The following CRACD variants were observed in gnomAD, a reference collection of about 807,000 sequenced individuals.
The protein encoded by CRACD is capping protein inhibiting regulator of actin dynamics.
A neutral mutation model predicts 106.8 loss-of-function variants in CRACD; 56 were observed. The ratio of observed to expected loss-of-function variants is 0.52; its 90% CI spans 0.42 to 0.66. The LOEUF is 0.66. Among genes scored for constraint, CRACD ranks in the 30% least tolerant of loss-of-function variants. CRACD has a pLI of 0.00. For synonymous variants in CRACD, 754 were observed against 670.8 expected (o/e 1.12, Z -1.92); for missense variants, 1,730 against 1,623.2 (o/e 1.07, Z -1.13).
At chr4:56,112,769 G>C (rs140027067) in intron 1 of CRACD, among the ~76,000 whole-genome samples, 1 of 152,116 alleles carries the variant, frequency 6.6e-6, no homozygotes, top group Admixed American at 6.5e-5. Context: ...CAGCTTGCCC[G>C]TTTAGTTTTC....
chr4:56,084,931 A>G (rs757045957), intron 1 of CRACD, among the ~76,000 whole-genome samples: 1 of 152,202 alleles, frequency 6.6e-6, no homozygotes, highest in Non-Finnish European at 1.5e-5. Context: ...TTTAAGTATT[A>G]AAATAGAGGC....
chr4:56,079,350 A>G (rs1167505514), intron 1 of CRACD, among the ~76,000 whole-genome samples: 4 of 151,892 alleles, frequency 2.6e-5, no homozygotes, highest in Non-Finnish European at 5.9e-5. Flanking sequence ...TCATGTTTGA[A>G]TCATCATTCT....
At chr4:56,272,959 G>A (rs1742446179) in intron 3 of CRACD, among the ~76,000 whole-genome samples, 1 of 151,502 alleles carries the variant, frequency 6.6e-6, no homozygotes, top group African/African-American at 2.4e-5. Flanking sequence ...AAGACTTGGT[G>A]TATTCTGCAT....
intron 2 of CRACD, among the ~76,000 whole-genome samples, chr4:56,210,804 T>C (rs1483182666): frequency 6.6e-6 from 1 of 152,218 alleles, no homozygotes; most frequent in African/African-American, 2.4e-5. Context: ...GTGGTCTCTT[T>C]AACTTAGCTG....
intron 1 of CRACD, among the ~76,000 whole-genome samples, chr4:56,070,512 C>T (rs1345872621): frequency 6.6e-6 from 1 of 152,122 alleles, no homozygotes; most frequent in African/African-American, 2.4e-5. Context: ...TAGTCTCAAT[C>T]TCCTGACCTC....
chr4:56,307,752 T>C (rs560532574), intron 5 of CRACD, 53 bp downstream of exon 5: 1 of 1,582,662 alleles, frequency 6.3e-7, no homozygotes, highest in East Asian at 2.2e-5. Flanking sequence ...GGCAGGACAT[T>C]GGGCCTCCAG....
At chr4:56,195,846 A>C (rs1214031814) in intron 2 of CRACD, among the ~76,000 whole-genome samples, 1 of 152,234 alleles carries the variant, frequency 6.6e-6, no homozygotes, top group African/African-American at 2.4e-5. Context: ...CTGTAATAAC[A>C]CAATACAAAT....
At chr4:56,181,103 G>A (rs1171252673) in intron 2 of CRACD, among the ~76,000 whole-genome samples, 1 of 152,176 alleles carries the variant, frequency 6.6e-6, no homozygotes, top group Non-Finnish European at 1.5e-5. Context: ...GGATGGAGAT[G>A]ATAAATAATG....
chr4:56,132,591 G>A (rs1198551175), intron 1 of CRACD, among the ~76,000 whole-genome samples: 1 of 152,026 alleles, frequency 6.6e-6, no homozygotes, highest in Non-Finnish European at 1.5e-5. Flanking sequence ...TGCCTGCCTT[G>A]ACCTCCCAGA....
At chr4:56,204,503 A>G (rs1380616730) in intron 2 of CRACD, among the ~76,000 whole-genome samples, 1 of 152,046 alleles carries the variant, frequency 6.6e-6, no homozygotes, top group East Asian at 1.9e-4. Context: ...TTGATCAGGA[A>G]CTCTCTTGAT....
intron 1 of CRACD, among the ~76,000 whole-genome samples, chr4:56,106,504 G>T (rs1414519332): frequency 6.6e-6 from 1 of 152,214 alleles, no homozygotes; most frequent in African/African-American, 2.4e-5. Context: ...TATGTGGAAA[G>T]TTCCAAGGCT....
intron 1 of CRACD, among the ~76,000 whole-genome samples, chr4:56,060,311 GA>G (rs1464959433): frequency 6.7e-6 from 1 of 150,134 alleles, no homozygotes; most frequent in Non-Finnish European, 1.5e-5. Flanking sequence ...TAGTATAGAA[GA>G]AAGACAGGGC....
intron 1 of CRACD, among the ~76,000 whole-genome samples, chr4:56,154,041 G>A (rs903216420): frequency 3.3e-5 from 5 of 152,210 alleles, no homozygotes; most frequent in Admixed American, 6.5e-5. Context: ...GGACTAGCTT[G>A]TGCCAGAGTG....
intron 1 of CRACD, among the ~76,000 whole-genome samples, chr4:56,078,798 C>A (rs1459040968): frequency 6.6e-6 from 1 of 152,122 alleles, no homozygotes. Context: ...TCAGGATATG[C>A]CTGGTGGGGG....
intron 2 of CRACD, among the ~76,000 whole-genome samples, chr4:56,239,301 A>G (rs1221625255): frequency 1.3e-5 from 2 of 151,608 alleles, no homozygotes; most frequent in Admixed American, 1.3e-4. Flanking sequence ...AATAATAAAT[A>G]TTATTATTTA....
At chr4:56,327,571 C>CAAATACAGTT in intron 10 of CRACD, 73 bp from the exon 11 acceptor site, 1 of 1,324,550 alleles carries the variant, frequency 7.5e-7, no homozygotes, top group Non-Finnish European at 1.1e-6. Context: ...AGTTTATCAT[C>CAAATACAGTT]TGTTAATTAA....
At chr4:56,130,263 C>CA (rs556950285) in intron 1 of CRACD, among the ~76,000 whole-genome samples, 3 of 151,328 alleles carry the variant, frequency 2.0e-5, no homozygotes, top group African/African-American at 7.3e-5. Context: ...AACCCTGTCT[C>CA]AAAAAAAACC....
At chr4:56,300,574 T>G (rs1744313315) in intron 4 of CRACD, among the ~76,000 whole-genome samples, 1 of 152,238 alleles carries the variant, frequency 6.6e-6, no homozygotes, top group Non-Finnish European at 1.5e-5. Flanking sequence ...TTTTGATTCT[T>G]GCAATATTAT....
At chr4:56,238,329 T>C (rs1213149738) in intron 2 of CRACD, among the ~76,000 whole-genome samples, 1 of 152,252 alleles carries the variant, frequency 6.6e-6, no homozygotes, top group Admixed American at 6.5e-5. Flanking sequence ...GGCATCTTTC[T>C]CTATATGTGG....
Sources: gnomAD v4.1 joint callset for allele counts (sites outside exome capture counted in the v4.1 genomes callset) on GRCh38, gnomAD v4.1.1 for gene constraint, MANE v1.5 for transcripts, NCBI Gene and HGNC (gene_info 2026-07-23, HGNC 2026-07-21) for gene names.